The following CRACR2A variants were observed in gnomAD, a reference collection of about 807,000 sequenced individuals.
The protein encoded by CRACR2A is calcium release activated channel regulator 2A.
A neutral mutation model predicts 90.5 loss-of-function variants in CRACR2A; 79 were observed. That is an observed-to-expected ratio of 0.87 (90% confidence interval 0.73 to 1.05). The LOEUF (loss-of-function observed/expected upper bound fraction) is 1.05, where lower values mean the gene tolerates loss of function less well. CRACR2A is among the 50% of genes least tolerant of loss of function. The pLI is 0.00. For missense variants in CRACR2A, 823 were observed against 897.2 expected (o/e 0.92, Z 1.06); for synonymous variants, 338 against 356.7 (o/e 0.95, Z 0.59).
intron 15 of CRACR2A, among the ~76,000 whole-genome samples, chr12:3,628,750 C>G (rs749572035): frequency 6.6e-6 from 1 of 152,234 alleles, no homozygotes; most frequent in Non-Finnish European, 1.5e-5. Context: ...TCTCCCGCAA[C>G]CTTCAGAAAG....
chr12:3,741,109 A>G (rs1946518179), intron 1 of CRACR2A, among the ~76,000 whole-genome samples: 1 of 152,214 alleles, frequency 6.6e-6, no homozygotes, highest in Non-Finnish European at 1.5e-5. Context: ...TGACTTTCTT[A>G]AAAGTAACAA....
At chr12:3,734,476 C>A (rs1946415843) in intron 1 of CRACR2A, among the ~76,000 whole-genome samples, 1 of 152,108 alleles carries the variant, frequency 6.6e-6, no homozygotes, top group Non-Finnish European at 1.5e-5. Context: ...AATCCCACTT[C>A]TAGGTATATG....
chr12:3,626,594 G>A (rs189129872), intron 17 of CRACR2A, among the ~76,000 whole-genome samples: 96 of 152,212 alleles, frequency 6.3e-4, no homozygotes, highest in Non-Finnish European at 7.4e-4. Context: ...AGTGCCTGCC[G>A]GTGTTTTGAA....
chr12:3,677,009 A>G (rs988073941), intron 6 of CRACR2A, among the ~76,000 whole-genome samples: 1 of 152,180 alleles, frequency 6.6e-6, no homozygotes, highest in African/African-American at 2.4e-5. Flanking sequence ...TTGATGAAAA[A>G]CAAGCCAAAG....
chr12:3,723,438 G>A (rs1946212844), intron 2 of CRACR2A, among the ~76,000 whole-genome samples: 1 of 152,148 alleles, frequency 6.6e-6, no homozygotes, highest in Non-Finnish European at 1.5e-5. Context: ...AATAAGAGGA[G>A]GTCAGTGGTG....
At chr12:3,646,429 G>T (rs981715448) in intron 11 of CRACR2A, among the ~76,000 whole-genome samples, 1 of 152,222 alleles carries the variant, frequency 6.6e-6, no homozygotes, top group African/African-American at 2.4e-5. Flanking sequence ...TGTGGGCCAG[G>T]CGCTCCGCTA....
intron 1 of CRACR2A, among the ~76,000 whole-genome samples, chr12:3,741,882 G>A (rs1242910993): frequency 1.3e-5 from 2 of 152,254 alleles, no homozygotes; most frequent in Non-Finnish European, 2.9e-5. Context: ...CAATCAGCCT[G>A]GAGTTCACAG....
intron 12 of CRACR2A, among the ~76,000 whole-genome samples, chr12:3,643,829 T>C (rs1200823238): frequency 1.0e-5 from 1 of 98,250 alleles, no homozygotes; most frequent in Admixed American, 1.7e-4. Flanking sequence ...ATATTATATA[T>C]AAATATATAT....
At chr12:3,616,721 G>A (rs370040108) in intron 19 of CRACR2A, among the ~76,000 whole-genome samples, 20 of 152,368 alleles carry the variant, frequency 1.3e-4, no homozygotes, top group African/African-American at 4.8e-4. Context: ...TGCAATGGGG[G>A]TGACAGGTAG....
intron 12 of CRACR2A, among the ~76,000 whole-genome samples, chr12:3,643,775 T>G (rs1474079002): frequency 9.9e-6 from 1 of 100,960 alleles, no homozygotes; most frequent in African/African-American, 4.0e-5. Context: ...TATATATATA[T>G]AGTTTATATA....
At chr12:3,686,213 T>C (rs534058718) in intron 4 of CRACR2A, among the ~76,000 whole-genome samples, 2 of 152,348 alleles carry the variant, frequency 1.3e-5, no homozygotes, top group African/African-American at 4.8e-5. Flanking sequence ...AATCAGGAGA[T>C]AGCTGGCTTT....
chr12:3,725,926 A>G (rs2137830736), intron 2 of CRACR2A: 1 of 151,506 alleles, frequency 6.6e-6, no homozygotes, highest in South Asian at 2.1e-4. Context: ...TTTTTTTCTG[A>G]CTGAGTCATG....
In CRACR2A at chr12:3,641,813, G is replaced by A. The variant is rs952441971; in HGVS notation, c.1190C>T (p.Thr397Ile). The change falls in exon 13 of 20, where the codon ACA becomes ATA. Residue 397 changes from threonine to isoleucine, a missense_variant. Thr to Ile is a moderately conservative substitution (Grantham distance 89). Transcript: ENST00000440314. ...FQKNKAAKAN[T>I]AASRASWKKR... Reference sequence around the variant, plus strand: ...TTTCCAACTTGCCCTGGAAGCAGCTGTGTTTGCCTTGGCTGCCTTATTTTT... The same window carrying A: ...TTTCCAACTTGCCCTGGAAGCAGCTATGTTTGCCTTGGCTGCCTTATTTTT... 1.9e-6 allele frequency: 3 copies of A among 1,551,724 alleles called. No homozygotes were observed. Among genetic ancestry groups the A allele is most frequent in the Non-Finnish European group, 2.6e-6 (3 of 1,146,984 alleles).
intron 4 of CRACR2A, among the ~76,000 whole-genome samples, chr12:3,693,047 G>A (rs1229304429): frequency 2.0e-5 from 3 of 152,182 alleles, no homozygotes; most frequent in African/African-American, 7.2e-5. Context: ...GGGAGGCAGA[G>A]TGCACTCTGG....
At chr12:3,702,980 T>C (rs1345222972) in intron 3 of CRACR2A, among the ~76,000 whole-genome samples, 5 of 152,136 alleles carry the variant, frequency 3.3e-5, no homozygotes, top group Admixed American at 3.3e-4. Flanking sequence ...AAGCCAAAAA[T>C]AGACCCATGT....
chr12:3,650,682 C>T (rs1944779608), intron 10 of CRACR2A, among the ~76,000 whole-genome samples: 1 of 152,160 alleles, frequency 6.6e-6, no homozygotes, highest in African/African-American at 2.4e-5. Flanking sequence ...CAGGAGCTCA[C>T]AGCTTTTTCC....
chr12:3,658,476 G>A lies in CRACR2A; in HGVS notation c.762+1088C>T, dbSNP rs73047240. On this transcript the variant is annotated intron_variant, in intron 8 of 19. Coordinates refer to ENST00000440314, the MANE Select transcript of CRACR2A (RefSeq NM_001144958.2). ...AGTTCTGTCTGCCGTCAACTAGGTT[G>A]AGGGGCAGGAGCAGCCAGAATGCTT... 9.9e-3 allele frequency among the ~76,000 whole-genome samples: 1,503 copies of A among 152,322 alleles called. 12 individuals are homozygous for A. Among genetic ancestry groups the A allele is most frequent in the Middle Eastern group, 0.017 (5 of 294 alleles).
At chr12:3,676,275 C>A (rs1206692887) in intron 6 of CRACR2A, among the ~76,000 whole-genome samples, 1 of 152,148 alleles carries the variant, frequency 6.6e-6, no homozygotes, top group East Asian at 1.9e-4. Context: ...CCTCCCAGCC[C>A]CACAACACAC....
chr12:3,685,161 C>T (rs1247835872), intron 4 of CRACR2A, among the ~76,000 whole-genome samples: 5 of 152,172 alleles, frequency 3.3e-5, no homozygotes, highest in Non-Finnish European at 5.9e-5. Flanking sequence ...GCAAAATTGC[C>T]GCCACTCATG....
Sources: allele counts gnomAD v4.1 joint callset (sites outside exome capture counted in the v4.1 genomes callset), GRCh38; gene constraint gnomAD v4.1.1; transcripts MANE v1.5; gene names NCBI Gene and HGNC (gene_info 2026-07-23, HGNC 2026-07-21).